Variants in ABTB3 observed in about 807,000 individuals in gnomAD.
The protein encoded by ABTB3 is ankyrin repeat and BTB domain containing 3, also known as ankyrin repeat- and BTB/POZ domain-containing protein 3.
At chr12:107,401,008 G>A in the ABTB3 span, among the ~76,000 whole-genome samples, 2 of 152,180 alleles carry the variant, frequency 1.3e-5, no homozygotes, top group African/African-American at 4.8e-5. Flanking sequence ...ACATGTGCCA[G>A]GCTGATGACC....
At chr12:107,408,176 G>A in the ABTB3 span, among the ~76,000 whole-genome samples, 1 of 152,152 alleles carries the variant, frequency 6.6e-6, no homozygotes, top group African/African-American at 2.4e-5. Context: ...GTGTGGCCGA[G>A]ATTTTCTGAG....
the ABTB3 span, among the ~76,000 whole-genome samples, chr12:107,634,540 T>C: frequency 2.6e-5 from 4 of 152,190 alleles, no homozygotes; most frequent in Admixed American, 1.3e-4. Context: ...CAACACCCTT[T>C]GTCCAACAAA....
At chr12:107,390,573 T>A in the ABTB3 span, among the ~76,000 whole-genome samples, 1 of 152,200 alleles carries the variant, frequency 6.6e-6, no homozygotes, top group South Asian at 2.1e-4. Context: ...GTGTCAGTAC[T>A]GGTTTCTGCC....
At chr12:107,589,934 G>C in the ABTB3 span, among the ~76,000 whole-genome samples, 1 of 152,298 alleles carries the variant, frequency 6.6e-6, no homozygotes, top group South Asian at 2.1e-4. Flanking sequence ...TTTTGAGACG[G>C]AGTCTCACTC....
the ABTB3 span, among the ~76,000 whole-genome samples, chr12:107,528,052 G>T: frequency 6.6e-6 from 1 of 152,300 alleles, no homozygotes; most frequent in African/African-American, 2.4e-5. Context: ...GGCCATGGAT[G>T]GAAGGAAGAG....
the ABTB3 span, among the ~76,000 whole-genome samples, chr12:107,438,149 T>G: frequency 2.6e-5 from 4 of 152,108 alleles, no homozygotes; most frequent in Non-Finnish European, 4.4e-5. Flanking sequence ...AGGCATCGAG[T>G]CACCCCTGTG....
the ABTB3 span, among the ~76,000 whole-genome samples, chr12:107,433,057 G>A: frequency 9.9e-5 from 15 of 151,586 alleles, no homozygotes; most frequent in African/African-American, 2.2e-4. Context: ...AGGCCGAGGC[G>A]GGTGGATCTT....
chr12:107,622,280 G>C, the ABTB3 span, among the ~76,000 whole-genome samples: 1 of 152,164 alleles, frequency 6.6e-6, no homozygotes, highest in African/African-American at 2.4e-5. Context: ...AGCCTGCAGG[G>C]TGAAGTCACC....
At chr12:107,455,748 C>T in the ABTB3 span, among the ~76,000 whole-genome samples, 12 of 152,280 alleles carry the variant, frequency 7.9e-5, no homozygotes, top group Middle Eastern at 3.4e-3. Context: ...GGACTGGGCT[C>T]TCTCACAGGT....
chr12:107,436,957 C>G, the ABTB3 span, among the ~76,000 whole-genome samples: 32 of 152,228 alleles, frequency 2.1e-4, 1 homozygote, highest in Admixed American at 5.9e-4. Flanking sequence ...TGCATCCCCC[C>G]CCGCCGCACC....
At chr12:107,353,705 T>C in the ABTB3 span, among the ~76,000 whole-genome samples, 9 of 152,252 alleles carry the variant, frequency 5.9e-5, no homozygotes, top group East Asian at 1.7e-3. Context: ...GTGAGCAGTG[T>C]ACAAGTGAGC....
chr12:107,595,044 G>A, the ABTB3 span, among the ~76,000 whole-genome samples: 1 of 151,780 alleles, frequency 6.6e-6, no homozygotes, highest in African/African-American at 2.4e-5. Context: ...GTCTCCAAAT[G>A]TCCCCTGACA....
the ABTB3 span, among the ~76,000 whole-genome samples, chr12:107,442,208 T>C: frequency 6.6e-6 from 1 of 152,214 alleles, no homozygotes; most frequent in Non-Finnish European, 1.5e-5. Flanking sequence ...TAGCTAAATG[T>C]ATAGATGAGT....
At chr12:107,456,939 A>C in the ABTB3 span, among the ~76,000 whole-genome samples, 2 of 151,412 alleles carry the variant, frequency 1.3e-5, no homozygotes, top group Non-Finnish European at 2.9e-5. Flanking sequence ...AGTTCACTGC[A>C]GCCTCCACCT....
the ABTB3 span, among the ~76,000 whole-genome samples, chr12:107,395,441 A>G: frequency 1.3e-5 from 2 of 152,246 alleles, no homozygotes; most frequent in South Asian, 2.1e-4. Context: ...TACTGCCCCC[A>G]TGAGTCCCCC....
the ABTB3 span, among the ~76,000 whole-genome samples, chr12:107,422,565 G>A: frequency 6.6e-6 from 1 of 152,230 alleles, no homozygotes; most frequent in Non-Finnish European, 1.5e-5. Flanking sequence ...CAGTTGTTTA[G>A]GTGAGAGATC....
At chr12:107,639,781 G>C in the ABTB3 span, among the ~76,000 whole-genome samples, 1 of 152,212 alleles carries the variant, frequency 6.6e-6, no homozygotes, top group African/African-American at 2.4e-5. Flanking sequence ...TTCTTCAACT[G>C]CACAGTAGGG....
the ABTB3 span, among the ~76,000 whole-genome samples, chr12:107,426,451 C>T: frequency 2.0e-5 from 3 of 152,186 alleles, no homozygotes; most frequent in Admixed American, 2.0e-4. Context: ...TCCCTGGCTG[C>T]TGTGGCAGGG....
chr12:107,569,031 A>G, the ABTB3 span, among the ~76,000 whole-genome samples: 1 of 152,230 alleles, frequency 6.6e-6, no homozygotes, highest in Non-Finnish European at 1.5e-5. Flanking sequence ...CATACTGCCA[A>G]ATGCAGGGTG....
Sources: allele counts gnomAD v4.1 joint callset (sites outside exome capture counted in the v4.1 genomes callset), GRCh38; gene constraint gnomAD v4.1.1; transcripts MANE v1.5; gene names NCBI Gene and HGNC (gene_info 2026-07-23, HGNC 2026-07-21).